Variants in DOCK3 observed in about 807,000 individuals in gnomAD.
The protein encoded by DOCK3 is dedicator of cytokinesis protein 3.
DOCK3 carries 60 observed loss-of-function variants against 265.6 expected under a neutral mutation model. The observed-to-expected ratio is 0.23, with a 90% CI of 0.18 to 0.28. The LOEUF is 0.28. Among genes scored for constraint, DOCK3 ranks in the 10% least tolerant of loss-of-function variants. DOCK3 has a pLI of 1.00. For missense variants in DOCK3, 1,981 were observed against 2,594.3 expected (o/e 0.76, Z 5.14); for synonymous variants, 881 against 938.0 (o/e 0.94, Z 1.11).
At chr3:51,337,794 T>G (rs2084967236) in intron 35 of DOCK3, among the ~76,000 whole-genome samples, 1 of 152,184 alleles carries the variant, frequency 6.6e-6, no homozygotes. Context: ...TAGGTATGAA[T>G]GCAGCTCAGT....
In DOCK3 at chr3:51,124,525, A is replaced by G. The variant is rs1182660108; in HGVS notation, c.747-22024A>G. ...AGCTGATTGTGCAGGGCCATGGCAG[A>G]AAGGATAGACTGAGTGCACAGAATA... On this transcript the variant is annotated intron_variant, in intron 9 of 52. Transcript: ENST00000266037. Among the ~76,000 whole-genome samples, 3 of 152,190 alleles carry G rather than the reference A, an allele frequency of 2.0e-5. 1 individual carries two copies. In the East Asian group the frequency reaches 5.8e-4, roughly 29 times the overall value.
chr3:50,726,080 C>T (rs2037804595), intron 1 of DOCK3, among the ~76,000 whole-genome samples: 1 of 152,124 alleles, frequency 6.6e-6, no homozygotes, highest in Non-Finnish European at 1.5e-5. Context: ...TAAATATTTT[C>T]TCTACTACTT....
chr3:50,789,597 G>A (rs1474800617), intron 2 of DOCK3, among the ~76,000 whole-genome samples: 2 of 152,282 alleles, frequency 1.3e-5, no homozygotes, highest in South Asian at 2.1e-4. Flanking sequence ...CACCATTATT[G>A]TGTTGCCATC....
chr3:51,008,662 A>G (rs1000418531), intron 5 of DOCK3, among the ~76,000 whole-genome samples: 5 of 151,684 alleles, frequency 3.3e-5, no homozygotes, highest in South Asian at 2.1e-4. Flanking sequence ...TTCCAACACT[A>G]TGTTGACTAG....
intron 4 of DOCK3, among the ~76,000 whole-genome samples, chr3:50,917,454 T>C (rs901202811): frequency 6.6e-6 from 1 of 152,070 alleles, no homozygotes; most frequent in Non-Finnish European, 1.5e-5. Flanking sequence ...TTCCTGGAAA[T>C]GTTTGCATCC....
At chr3:51,105,603 T>C (rs2083251378) in intron 9 of DOCK3, among the ~76,000 whole-genome samples, 1 of 152,178 alleles carries the variant, frequency 6.6e-6, no homozygotes, top group South Asian at 2.1e-4. Context: ...AATGAAGTAT[T>C]GATACAGCAA....
chr3:50,856,837 T>A (rs960214722), intron 3 of DOCK3, among the ~76,000 whole-genome samples: 1 of 152,190 alleles, frequency 6.6e-6, no homozygotes, highest in African/African-American at 2.4e-5. Context: ...ATGGCTCTTA[T>A]TATTTTGAGG....
intron 1 of DOCK3, among the ~76,000 whole-genome samples, chr3:50,699,701 G>C (rs1455723796): frequency 6.6e-6 from 1 of 152,034 alleles, no homozygotes; most frequent in East Asian, 1.9e-4. Flanking sequence ...CTGCAGAGAG[G>C]GGACAAGGTT....
At chr3:51,242,727 G>GA (rs1175255339) in intron 21 of DOCK3, among the ~76,000 whole-genome samples, 1 of 152,126 alleles carries the variant, frequency 6.6e-6, no homozygotes, top group Non-Finnish European at 1.5e-5. Context: ...GGGGCTGGCT[G>GA]GCTCTGTGCC....
At chr3:50,932,774 A>G (rs1468803627) in intron 4 of DOCK3, among the ~76,000 whole-genome samples, 1 of 152,046 alleles carries the variant, frequency 6.6e-6, no homozygotes, top group Non-Finnish European at 1.5e-5. Context: ...ATTTTTTTGC[A>G]TGTATTGGGC....
intron 5 of DOCK3, among the ~76,000 whole-genome samples, chr3:50,973,067 T>TTTTTTC (rs2077296608): frequency 6.9e-6 from 1 of 144,892 alleles, no homozygotes; most frequent in South Asian, 2.2e-4. Flanking sequence ...TTTTTTTTTT[T>TTTTTTC]TTTTTTGCAG....
intron 4 of DOCK3, among the ~76,000 whole-genome samples, chr3:50,915,611 G>A (rs1489842981): frequency 1.3e-5 from 2 of 152,070 alleles, no homozygotes; most frequent in African/African-American, 4.8e-5. Flanking sequence ...TGCCAGGGCA[G>A]CAGTTTCCCA....
chr3:50,916,583 T>C (rs2050138483), intron 4 of DOCK3, among the ~76,000 whole-genome samples: 1 of 152,070 alleles, frequency 6.6e-6, no homozygotes, highest in Admixed American at 6.5e-5. Flanking sequence ...TTTGGGAGGC[T>C]GAGGCTGGTG....
intron 12 of DOCK3, among the ~76,000 whole-genome samples, chr3:51,199,180 A>G (rs1194924830): frequency 2.6e-5 from 4 of 152,176 alleles, no homozygotes; most frequent in African/African-American, 4.8e-5. Flanking sequence ...GTGCCAGACA[A>G]TGGGCGCAGG....
intron 14 of DOCK3, among the ~76,000 whole-genome samples, chr3:51,217,393 G>A (rs991060086): frequency 6.6e-6 from 1 of 152,198 alleles, no homozygotes; most frequent in Non-Finnish European, 1.5e-5. Flanking sequence ...CAGCCATTCA[G>A]TTCTGCTCAT....
intron 12 of DOCK3, among the ~76,000 whole-genome samples, chr3:51,194,124 AT>A (rs199754699): frequency 3.3e-5 from 5 of 150,562 alleles, no homozygotes; most frequent in Admixed American, 1.3e-4. Context: ...TTATTTTGAG[AT>A]TTTTTTTTAT....
At chr3:51,010,127 A>G (rs781434216) in intron 5 of DOCK3, among the ~76,000 whole-genome samples, 3 of 152,146 alleles carry the variant, frequency 2.0e-5, no homozygotes, top group South Asian at 2.1e-4. Context: ...ATAGATGTCT[A>G]TTTGGTCCAC....
chr3:51,280,011 C>T, intron 26 of DOCK3, 95 bp from the exon 27 acceptor site: 1 of 969,652 alleles, frequency 1.0e-6, no homozygotes. Context: ...TTGGGGCCAT[C>T]TCAGACCCTC....
At chr3:50,805,890 T>C (rs547101163) in intron 2 of DOCK3, among the ~76,000 whole-genome samples, 145 of 152,162 alleles carry the variant, frequency 9.5e-4, no homozygotes, top group African/African-American at 3.4e-3. Flanking sequence ...TGGCAACCTG[T>C]AGGGCTGTTT....
Sources: gnomAD v4.1 joint callset for allele counts (sites outside exome capture counted in the v4.1 genomes callset) on GRCh38, gnomAD v4.1.1 for gene constraint, MANE v1.5 for transcripts, NCBI Gene and HGNC (gene_info 2026-07-23, HGNC 2026-07-21) for gene names.